XPNPEP3: variants seen among roughly 807,000 people sequenced by gnomAD.
XPNPEP3 encodes xaa-Pro aminopeptidase 3.
Under a neutral mutation model 60.0 loss-of-function variants are expected in XPNPEP3, and 41 were observed. The observed-to-expected ratio is 0.68, with a 90% CI of 0.53 to 0.89. The LOEUF (loss-of-function observed/expected upper bound fraction) is 0.89, where lower values mean the gene tolerates loss of function less well. Ranked by LOEUF, XPNPEP3 falls within the 40% of genes least tolerant of loss-of-function variation. The pLI is 0.00. For synonymous variants in XPNPEP3, 212 were observed against 223.2 expected, an observed-to-expected ratio of 0.95 and a Z score of 0.45; for missense variants, 598 against 638.9, an observed-to-expected ratio of 0.94 and a Z score of 0.69.
At chr22:40,899,285 A>T (rs1199468181) in intron 4 of XPNPEP3, among the ~76,000 whole-genome samples, 2 of 152,196 alleles carry the variant, frequency 1.3e-5, no homozygotes, top group African/African-American at 2.4e-5. Flanking sequence ...AAAGAAGCTC[A>T]TCTAAAAGAG....
At chr22:40,875,976 C>A (rs1024651328) in intron 2 of XPNPEP3, among the ~76,000 whole-genome samples, 5 of 151,960 alleles carry the variant, frequency 3.3e-5, no homozygotes, top group Admixed American at 2.6e-4. Flanking sequence ...GCTAAGATTG[C>A]GCCACTGTGC....
At chr22:40,898,730 G>T (rs960309309) in intron 4 of XPNPEP3, among the ~76,000 whole-genome samples, 2 of 152,080 alleles carry the variant, frequency 1.3e-5, no homozygotes, top group African/African-American at 4.8e-5. Context: ...ATCTTCCTGA[G>T]ATCTAACAGC....
intron 1 of XPNPEP3, among the ~76,000 whole-genome samples, chr22:40,867,234 G>C (rs760121942): frequency 2.6e-5 from 4 of 152,086 alleles, no homozygotes; most frequent in Non-Finnish European, 1.5e-5. Context: ...TCTGGACAAG[G>C]TTACACACTT....
intron 2 of XPNPEP3, among the ~76,000 whole-genome samples, chr22:40,879,877 A>G (rs965653942): frequency 6.7e-6 from 1 of 149,770 alleles, no homozygotes; most frequent in Admixed American, 6.6e-5. Context: ...AAAATACAAA[A>G]ATAGTCAGGC....
intron 6 of XPNPEP3, among the ~76,000 whole-genome samples, chr22:40,909,909 G>C (rs9619917): frequency 7.5e-4 from 114 of 152,076 alleles, no homozygotes; most frequent in African/African-American, 2.6e-3. Flanking sequence ...CTGAGGACTT[G>C]CGGCAACAAC....
chr22:40,858,569 G>A (rs1259191115), intron 1 of XPNPEP3, among the ~76,000 whole-genome samples: 6 of 123,332 alleles, frequency 4.9e-5, no homozygotes, highest in Non-Finnish European at 9.5e-5. Context: ...TGCTCTTGTC[G>A]CCCAGGCTGG....
intron 4 of XPNPEP3, among the ~76,000 whole-genome samples, chr22:40,891,177 T>TAAAAA (rs2058086765): frequency 2.3e-5 from 1 of 44,356 alleles, no homozygotes; most frequent in African/African-American, 8.6e-5. Context: ...ACCCCATTTC[T>TAAAAA]ACAAAAAAAA....
At chr22:40,883,363 G>GT (rs965639510) in intron 3 of XPNPEP3, among the ~76,000 whole-genome samples, 126 of 150,034 alleles carry the variant, frequency 8.4e-4, no homozygotes, top group African/African-American at 2.5e-3. Context: ...TTCTTTTTTT[G>GT]TTTTTTTTTA....
At chr22:40,910,297 A>G (rs2058172475) in intron 6 of XPNPEP3, among the ~76,000 whole-genome samples, 1 of 152,126 alleles carries the variant, frequency 6.6e-6, no homozygotes, top group Non-Finnish European at 1.5e-5. Context: ...TTTAAGAAAT[A>G]GTTGTATTAC....
chr22:40,906,986 C>T, intron 4 of XPNPEP3: 2 of 445,828 alleles, frequency 4.5e-6, no homozygotes, highest in African/African-American at 4.0e-5. Flanking sequence ...TCACTTATCC[C>T]ATCTATGAGG....
At chr22:40,901,731 C>T (rs551741669) in intron 4 of XPNPEP3, among the ~76,000 whole-genome samples, 3 of 152,284 alleles carry the variant, frequency 2.0e-5, no homozygotes, top group African/African-American at 7.2e-5. Flanking sequence ...CACCAAAGTG[C>T]TGGGACTACA....
chr22:40,908,049 A>G (rs1318927147), intron 5 of XPNPEP3, among the ~76,000 whole-genome samples: 1 of 152,072 alleles, frequency 6.6e-6, no homozygotes, highest in African/African-American at 2.4e-5. Context: ...CCCCATCTCT[A>G]CTAAAAATAC....
chr22:40,882,838 C>G (rs2058053744), intron 3 of XPNPEP3, among the ~76,000 whole-genome samples: 1 of 151,926 alleles, frequency 6.6e-6, no homozygotes, highest in African/African-American at 2.4e-5. Context: ...TAGAACATTT[C>G]AATTAAAAAA....
At chr22:40,859,424 T>G (rs1398971954) in intron 1 of XPNPEP3, 1 of 152,220 alleles carries the variant, frequency 6.6e-6, no homozygotes, top group Non-Finnish European at 1.5e-5. Context: ...ATTACATTCT[T>G]AAATTTTCTG....
At chr22:40,859,733 A>C (rs1360158518) in intron 1 of XPNPEP3, 2 of 152,156 alleles carry the variant, frequency 1.3e-5, no homozygotes, top group African/African-American at 4.8e-5. Flanking sequence ...AGATATTATA[A>C]TTTTTTTCTA....
intron 4 of XPNPEP3, among the ~76,000 whole-genome samples, chr22:40,892,559 C>T (rs1487295029): frequency 6.6e-6 from 1 of 152,174 alleles, no homozygotes; most frequent in Non-Finnish European, 1.5e-5. Context: ...TAGCCTGGCT[C>T]CTAATTCCAC....
intron 9 of XPNPEP3, among the ~76,000 whole-genome samples, chr22:40,925,865 T>C (rs764583695): frequency 1.3e-5 from 2 of 152,178 alleles, no homozygotes; most frequent in Non-Finnish European, 2.9e-5. Context: ...AAGGTGCTCT[T>C]TTTCCAAGGG....
intron 7 of XPNPEP3, chr22:40,917,421 C>G (rs1446286969): frequency 1.3e-5 from 2 of 151,580 alleles, no homozygotes; most frequent in Non-Finnish European, 2.9e-5. Flanking sequence ...TTAAAAAACA[C>G]AAGGAATAGG....
At chr22:40,899,419 A>G (rs972756873) in intron 4 of XPNPEP3, among the ~76,000 whole-genome samples, 5 of 152,304 alleles carry the variant, frequency 3.3e-5, no homozygotes, top group Admixed American at 3.3e-4. Context: ...TTCAGGGTCT[A>G]TCATTTCCAC....
Sources: gnomAD v4.1 joint callset for allele counts (sites outside exome capture counted in the v4.1 genomes callset) on GRCh38, gnomAD v4.1.1 for gene constraint, MANE v1.5 for transcripts, NCBI Gene and HGNC (gene_info 2026-07-23, HGNC 2026-07-21) for gene names.